The following VMP1 variants were observed in gnomAD, a reference collection of about 807,000 sequenced individuals.
VMP1 encodes ectopic P-granules autophagy protein 3 homolog.
Under a neutral mutation model 56.0 loss-of-function variants are expected in VMP1, and 11 were observed. The ratio of observed to expected loss-of-function variants is 0.20; its 90% CI spans 0.12 to 0.32. VMP1 has a LOEUF of 0.32. Among genes scored for constraint, VMP1 ranks in the 10% least tolerant of loss-of-function variants. VMP1 has a pLI of 1.00. For missense variants in VMP1, 296 were observed against 490.3 expected (o/e 0.60, Z 3.74); for synonymous variants, 149 against 165.0 (o/e 0.90, Z 0.74).
intron 5 of VMP1, among the ~76,000 whole-genome samples, chr17:59,760,019 G>A (rs1032993533): frequency 2.0e-5 from 3 of 149,164 alleles, no homozygotes; most frequent in Non-Finnish European, 3.0e-5. Flanking sequence ...CCAGCTACTC[G>A]GGAGGCTGAG....
intron 7 of VMP1, among the ~76,000 whole-genome samples, chr17:59,790,682 C>T (rs1217204035): frequency 2.0e-5 from 3 of 151,878 alleles, no homozygotes; most frequent in Admixed American, 2.0e-4. Context: ...TCCCAGCTAC[C>T]GGGGAGGCTG....
At chr17:59,762,903 G>T (rs144801541) in intron 5 of VMP1, among the ~76,000 whole-genome samples, 2 of 152,026 alleles carry the variant, frequency 1.3e-5, no homozygotes, top group East Asian at 1.9e-4. Context: ...TATATTTCTG[G>T]AATGCAAATA....
Position 59,840,076 on chromosome 17 carries a change from C to A in VMP1, c.*165C>A. The A allele has an allele frequency of 1.2e-6, 1 of 833,812 alleles. No individual in the cohort carries two copies. The highest frequency in any genetic ancestry group is 1.8e-6 in the Non-Finnish European group (1 of 554,550). The allele number at this position is 833,812 out of a possible 1,614,324, so 51.7% of individuals were successfully genotyped here. On this transcript the variant is annotated 3_prime_UTR_variant, in exon 12 of 12. Coordinates refer to ENST00000262291, the MANE Select transcript of VMP1 (RefSeq NM_030938.5). ...ATACTTTGCACTGACATACTTTTTCCTTCTGTGCTAAGGTAAGGTATCCAC... is the reference window on the plus strand; with the variant it reads ...ATACTTTGCACTGACATACTTTTTCATTCTGTGCTAAGGTAAGGTATCCAC...
At chr17:59,767,123 G>T (rs553864325) in intron 6 of VMP1, among the ~76,000 whole-genome samples, 300 of 143,062 alleles carry the variant, frequency 2.1e-3, no homozygotes, top group African/African-American at 7.4e-3. Context: ...ACCATTTGAG[G>T]TTTTTTTTTT....
At chr17:59,750,740 G>A (rs1014897541) in intron 5 of VMP1, among the ~76,000 whole-genome samples, 18 of 151,970 alleles carry the variant, frequency 1.2e-4, no homozygotes, top group African/African-American at 3.9e-4. Context: ...TTTGTAAACT[G>A]CATTTCCTCT....
intron 1 of VMP1, among the ~76,000 whole-genome samples, chr17:59,723,527 CA>C (rs1395802469): frequency 6.6e-6 from 1 of 152,126 alleles, no homozygotes; most frequent in African/African-American, 2.4e-5. Flanking sequence ...ATAATCTTCA[CA>C]AAAGCAATTT....
At chr17:59,728,495 A>T (rs941930021) in intron 1 of VMP1, among the ~76,000 whole-genome samples, 1 of 152,176 alleles carries the variant, frequency 6.6e-6, no homozygotes, top group Non-Finnish European at 1.5e-5. Flanking sequence ...AAATATAAAA[A>T]TTTGAGCCAC....
intron 1 of VMP1, 116 bp from the exon 2 acceptor site, chr17:59,731,302 ACAT>A (rs1171921616): frequency 5.6e-6 from 3 of 540,158 alleles, no homozygotes; most frequent in Non-Finnish European, 9.4e-6. Context: ...AAGTGTAAAC[ACAT>A]CATACATATC....
At chr17:59,800,617 T>C (rs957456088) in intron 7 of VMP1, among the ~76,000 whole-genome samples, 4 of 152,228 alleles carry the variant, frequency 2.6e-5, no homozygotes, top group African/African-American at 9.6e-5. Flanking sequence ...TACAGTCATA[T>C]GCCACATAAC....
intron 10 of VMP1, among the ~76,000 whole-genome samples, chr17:59,833,111 A>G (rs1253225049): frequency 6.6e-6 from 1 of 152,012 alleles, no homozygotes; most frequent in Non-Finnish European, 1.5e-5. Context: ...TATTACTCCC[A>G]CCGTGTGTGC....
intron 10 of VMP1, among the ~76,000 whole-genome samples, chr17:59,828,699 G>A (rs1274064995): frequency 6.6e-6 from 1 of 152,178 alleles, no homozygotes; most frequent in Non-Finnish European, 1.5e-5. Flanking sequence ...TTTATTTTAT[G>A]TTGGGGTGCC....
At chr17:59,790,056 G>A (rs770649157) in intron 7 of VMP1, among the ~76,000 whole-genome samples, 38 of 151,752 alleles carry the variant, frequency 2.5e-4, no homozygotes, top group Non-Finnish European at 5.0e-4. Context: ...GGCCAGGCTG[G>A]TCCGGAACAC....
intron 9 of VMP1, among the ~76,000 whole-genome samples, chr17:59,815,654 C>T (rs2038200429): frequency 6.6e-6 from 1 of 151,804 alleles, no homozygotes; most frequent in African/African-American, 2.4e-5. Context: ...GAGATCGAGA[C>T]CATCCTGGCT....
chr17:59,817,060 G>A (rs1478441931), intron 9 of VMP1, among the ~76,000 whole-genome samples: 2 of 151,510 alleles, frequency 1.3e-5, no homozygotes, highest in African/African-American at 4.8e-5. Context: ...CTTGAGATCA[G>A]GAGTTCAAGA....
intron 4 of VMP1, among the ~76,000 whole-genome samples, 196 bp downstream of exon 4, chr17:59,737,739 T>C (rs1034866642): frequency 6.6e-6 from 1 of 152,128 alleles, no homozygotes; most frequent in African/African-American, 2.4e-5. Flanking sequence ...TGAGGATTTA[T>C]ATGTGGTGTG....
chr17:59,836,298 T>C (rs2038980090), intron 10 of VMP1, among the ~76,000 whole-genome samples: 1 of 151,986 alleles, frequency 6.6e-6, no homozygotes, highest in Admixed American at 6.6e-5. Context: ...GCCCTGAGCT[T>C]CCTGGGCTCT....
At chr17:59,825,111 G>T (rs1381529242) in intron 10 of VMP1, among the ~76,000 whole-genome samples, 1 of 102,790 alleles carries the variant, frequency 9.7e-6, no homozygotes, top group Non-Finnish European at 1.9e-5. Context: ...TTTTGAGACA[G>T]AGTTTTGTTC....
chr17:59,759,939 T>C (rs2143958893), intron 5 of VMP1, among the ~76,000 whole-genome samples: 1 of 149,076 alleles, frequency 6.7e-6, no homozygotes, highest in Non-Finnish European at 1.5e-5. Flanking sequence ...TGAATTTATT[T>C]GCTTGTTTGT....
chr17:59,713,431 C>G (rs903276743), intron 1 of VMP1, among the ~76,000 whole-genome samples: 1 of 151,962 alleles, frequency 6.6e-6, no homozygotes, highest in Non-Finnish European at 1.5e-5. Context: ...ATCCAAGTCA[C>G]GCACTTACAT....
Sources: gnomAD v4.1 joint callset for allele counts (sites outside exome capture counted in the v4.1 genomes callset) on GRCh38, gnomAD v4.1.1 for gene constraint, MANE v1.5 for transcripts, NCBI Gene and HGNC (gene_info 2026-07-23, HGNC 2026-07-21) for gene names.